The following GAP43 variants were observed in gnomAD, a reference collection of about 807,000 sequenced individuals.
GAP43 encodes growth associated protein 43.
In GAP43, 6 loss-of-function variants were observed where a neutral mutation model predicts 18.6. The observed-to-expected ratio is 0.32, with a 90% CI of 0.18 to 0.64. GAP43 has a LOEUF of 0.64. Among genes scored for constraint, GAP43 ranks in the 30% least tolerant of loss-of-function variants. The probability of loss-of-function intolerance (pLI) is 0.78; values close to 1 mark genes in which losing one functional copy is unlikely to be tolerated. For missense variants in GAP43, 292 were observed against 295.5 expected, an observed-to-expected ratio of 0.99 and a Z score of 0.09; for synonymous variants, 115 against 111.4, an observed-to-expected ratio of 1.03 and a Z score of -0.20.
rs1204024448 is a variant in GAP43, at chr3:115,698,080, TAA to T, written c.628+21473_628+21474del. Among the ~76,000 whole-genome samples, 7 of 72,716 alleles carry T rather than the reference TAA, an allele frequency of 9.6e-5. No homozygotes were observed. In the East Asian group the frequency reaches 1.9e-3, roughly 20 times the overall value. The allele number at this position is 72,716 out of a possible 152,430, so 47.7% of individuals were successfully genotyped here. On this transcript the variant is annotated intron_variant, in intron 2 of 2. Coordinates refer to ENST00000305124, the MANE Select transcript of GAP43 (RefSeq NM_002045.4). Reference sequence around the variant, plus strand: ...TAAAATATATATTATATATAATATATAAAATATGTATTATATATAATATATAA... The same window carrying T: ...TAAAATATATATTATATATAATATATAATATGTATTATATATAATATATAA...
chr3:115,688,876 T>C (rs1709067644), intron 2 of GAP43, among the ~76,000 whole-genome samples: 1 of 152,240 alleles, frequency 6.6e-6, no homozygotes, highest in African/African-American at 2.4e-5. Context: ...TTGCCTACTT[T>C]TTGCAATCTG....
Position 115,661,527 on chromosome 3 carries a change from C to T in GAP43, c.31-14486C>T, listed in dbSNP as rs143101769. On this transcript the variant is annotated intron_variant, in intron 1 of 2. Transcript: ENST00000305124. ...TTTTTTGAGAGGAATCTCGCTCTGT[C>T]GCCCAGGCTGGAGTGCAGTGGCGTG... Among the ~76,000 whole-genome samples the T allele has an allele frequency of 4.8e-3, 732 of 152,242 alleles. 10 individuals are homozygous for T. Among genetic ancestry groups the T allele is most frequent in the African/African-American group, 0.017 (691 of 41,538 alleles).
chr3:115,675,919 A>C, intron 1 of GAP43, 94 bp from the exon 2 acceptor site: 1 of 1,511,664 alleles, frequency 6.6e-7, no homozygotes, highest in Middle Eastern at 1.8e-4. Context: ...CCTGGCACAA[A>C]ATAAATCACT....
At chr3:115,667,519 T>C (rs1708748730) in intron 1 of GAP43, among the ~76,000 whole-genome samples, 1 of 152,244 alleles carries the variant, frequency 6.6e-6, no homozygotes, top group African/African-American at 2.4e-5. Flanking sequence ...ACTTATCTTA[T>C]TGCATCTCAC....
At chr3:115,637,160 A>T (rs13079815) in intron 1 of GAP43, among the ~76,000 whole-genome samples, 756 of 152,146 alleles carry the variant, frequency 5.0e-3, no homozygotes, top group Non-Finnish European at 7.2e-3. Flanking sequence ...CTTTTGCAGC[A>T]CATACTACCT....
chr3:115,712,667 G>A (rs1236631651), intron 2 of GAP43, among the ~76,000 whole-genome samples: 1 of 152,104 alleles, frequency 6.6e-6, no homozygotes, highest in Non-Finnish European at 1.5e-5. Context: ...TGTATATTAG[G>A]AAACTGAGAC....
At chr3:115,664,252 G>A (rs555797679) in intron 1 of GAP43, among the ~76,000 whole-genome samples, 4 of 127,414 alleles carry the variant, frequency 3.1e-5, no homozygotes, top group South Asian at 2.6e-4. Flanking sequence ...TTTAAAGGTC[G>A]CTTTTTTATA....
intron 1 of GAP43, among the ~76,000 whole-genome samples, chr3:115,672,796 C>G (rs1340718193): frequency 1.6e-5 from 2 of 123,146 alleles, no homozygotes; most frequent in Non-Finnish European, 3.3e-5. Context: ...TTCCCTGCGT[C>G]TGTTTCTTTA....
At chr3:115,660,050 G>T (rs1490263601) in intron 1 of GAP43, among the ~76,000 whole-genome samples, 2 of 152,220 alleles carry the variant, frequency 1.3e-5, no homozygotes, top group South Asian at 2.1e-4. Context: ...GCTTTTTGCT[G>T]AATCATGAAG....
chr3:115,665,993 TGTGTGTGTGTGTGTGTGTG>T, intron 1 of GAP43, among the ~76,000 whole-genome samples: 1 of 139,472 alleles, frequency 7.2e-6, no homozygotes, highest in African/African-American at 2.6e-5. Context: ...TAAATGAGTG[TGTGTGTGTGTGTGTGTGTG>T]TGTGTGTGTG....
intron 2 of GAP43, among the ~76,000 whole-genome samples, chr3:115,720,293 A>G (rs1206916190): frequency 6.6e-6 from 1 of 152,180 alleles, no homozygotes; most frequent in Admixed American, 6.5e-5. Flanking sequence ...AGGGACTTCA[A>G]TTTCTATATA....
At position 115,716,769 on chromosome 3, in the gene GAP43, CAGAGAG is replaced by C. The variant is rs371857324; in HGVS notation, c.629-4008_629-4003del. ...ATATATATATATATATATATATATA[CAGAGAG>C]AGAGAGAGAGAGAGAGTTTTATATG... is the stretch of plus-strand genomic sequence containing the variant. On this transcript the variant is annotated intron_variant, in intron 2 of 2. Coordinates refer to ENST00000305124, the MANE Select transcript of GAP43 (RefSeq NM_002045.4). 3.3e-3 allele frequency among the ~76,000 whole-genome samples: 181 copies of C among 54,686 alleles called. 5 individuals are homozygous for C. In the South Asian group the frequency reaches 0.065, roughly 20 times the overall value. 35.9% of individuals were successfully genotyped at this position (54,686 alleles called of 152,430 possible).
intron 2 of GAP43, among the ~76,000 whole-genome samples, chr3:115,706,435 T>TA (rs1383381137): frequency 6.6e-6 from 1 of 152,172 alleles, no homozygotes. Context: ...ACTCATTCAG[T>TA]ATGGTAAACA....
chr3:115,680,738 C>T (rs146646362), intron 2 of GAP43, among the ~76,000 whole-genome samples: 103 of 152,002 alleles, frequency 6.8e-4, no homozygotes, highest in Admixed American at 1.6e-3. Flanking sequence ...AAATTATTAA[C>T]GAAAAGAATA....
At chr3:115,696,354 A>G (rs762537855) in intron 2 of GAP43, among the ~76,000 whole-genome samples, 11 of 152,008 alleles carry the variant, frequency 7.2e-5, no homozygotes, top group Non-Finnish European at 1.6e-4. Context: ...CATTAAATCT[A>G]TGAGCAAGTC....
chr3:115,661,622 G>A (rs1008925899), intron 1 of GAP43, among the ~76,000 whole-genome samples: 7 of 152,020 alleles, frequency 4.6e-5, no homozygotes, highest in East Asian at 1.9e-4. Context: ...CCGAGTAGCC[G>A]GGACTACAGG....
At chr3:115,648,271 G>A (rs1248247967) in intron 1 of GAP43, among the ~76,000 whole-genome samples, 2 of 152,016 alleles carry the variant, frequency 1.3e-5, no homozygotes, top group African/African-American at 4.8e-5. Flanking sequence ...ACTCCTTCAG[G>A]TAGACCCTAT....
chr3:115,703,512 A>G (rs1709323162), intron 2 of GAP43, among the ~76,000 whole-genome samples: 1 of 152,124 alleles, frequency 6.6e-6, no homozygotes, highest in South Asian at 2.1e-4. Context: ...GGGGTATCAT[A>G]GGGGATTCCT....
chr3:115,706,259 G>A (rs1008855775), intron 2 of GAP43, among the ~76,000 whole-genome samples: 3 of 152,018 alleles, frequency 2.0e-5, no homozygotes, highest in African/African-American at 7.2e-5. Flanking sequence ...GAAGTCTTAG[G>A]GTCCTTTTCA....
Sources: gnomAD v4.1 joint callset for allele counts (sites outside exome capture counted in the v4.1 genomes callset) on GRCh38, gnomAD v4.1.1 for gene constraint, MANE v1.5 for transcripts, NCBI Gene and HGNC (gene_info 2026-07-23, HGNC 2026-07-21) for gene names.